The following TRMT44 variants were observed in gnomAD, a reference collection of about 807,000 sequenced individuals.
The protein encoded by TRMT44 is tRNA methyltransferase 44 homolog, also known as probable tRNA (uracil-O(2)-)-methyltransferase.
Under a neutral mutation model 77.3 loss-of-function variants are expected in TRMT44, and 78 were observed. That is an observed-to-expected ratio of 1.01 (90% confidence interval 0.84 to 1.22). The LOEUF (loss-of-function observed/expected upper bound fraction) is 1.22. Ranked by LOEUF, TRMT44 falls within the 50% of genes most tolerant of loss-of-function variation. The pLI is 0.00. For synonymous variants in TRMT44, 391 were observed against 383.3 expected (o/e 1.02, Z -0.23); for missense variants, 1,090 against 964.4 (o/e 1.13, Z -1.73).
In TRMT44 at chr4:8,452,166, G is replaced by C. The variant is rs1390734900; in HGVS notation, c.1023+138G>C. The C allele has an allele frequency of 2.6e-6, 2 of 755,964 alleles. No homozygotes were observed. The highest frequency in any genetic ancestry group is 4.4e-6 in the Non-Finnish European group (2 of 454,942). The allele number at this position is 755,964 out of a possible 1,614,324, so 46.8% of individuals were successfully genotyped here. A position where few individuals can be genotyped will look rare whatever the true frequency, so the allele number is the denominator to read the frequency against. ...CTGCTGGCCAAGGTTGGTTTCTCGTGTAATGGTTTGACTTCATGTGGTCCT... is the reference window on the plus strand; with the variant it reads ...CTGCTGGCCAAGGTTGGTTTCTCGTCTAATGGTTTGACTTCATGTGGTCCT... On this transcript the variant is annotated intron_variant, in intron 4 of 10. Transcript: ENST00000389737. The surrounding 1 kb of genome is among the most constrained non-coding windows in gnomAD (Gnocchi z 5.7).
At chr4:8,467,360 T>A (rs1319263489) in intron 8 of TRMT44, among the ~76,000 whole-genome samples, 1 of 152,138 alleles carries the variant, frequency 6.6e-6, no homozygotes, top group African/African-American at 2.4e-5. Flanking sequence ...TTTAGGCGCC[T>A]TTGTTAGATC....
At chr4:8,450,999 C>T (rs756958839) in intron 3 of TRMT44, among the ~76,000 whole-genome samples, 1 of 149,110 alleles carries the variant, frequency 6.7e-6, no homozygotes, top group Non-Finnish European at 1.5e-5. Context: ...TTTCCCAGGG[C>T]TCAAGTGTTC....
At chr4:8,483,675 G>A (rs1201868356) in intron 2 of TRMT44, among the ~76,000 whole-genome samples, 2 of 152,130 alleles carry the variant, frequency 1.3e-5, no homozygotes, top group Non-Finnish European at 2.9e-5. Context: ...GGGATATAAA[G>A]GTTTCACTGA....
At position 8,440,808 on chromosome 4, in the gene TRMT44, C is replaced by T; in HGVS notation, c.-15C>T. On this transcript the variant is annotated 5_prime_UTR_variant, in exon 1 of 11. Transcript: ENST00000389737. ...TCGGCGCGCCGCTGCCAGGGCTGTACACCTGCTGGCTGCCATGGCTGAGGT... is the reference window on the plus strand; with the variant it reads ...TCGGCGCGCCGCTGCCAGGGCTGTATACCTGCTGGCTGCCATGGCTGAGGT... The T allele has an allele frequency of 2.1e-6, 3 of 1,440,706 alleles. No individual in the cohort carries two copies. Among genetic ancestry groups the T allele is most frequent in the Non-Finnish European group, 1.8e-6 (2 of 1,100,296 alleles). The allele number at this position is 1,440,706 out of a possible 1,614,324, so 89.2% of individuals were successfully genotyped here.
At chr4:8,476,643 GTA>G, downstream of TRMT44, 1 of 152,142 alleles carries the variant, frequency 6.6e-6, no homozygotes, top group Non-Finnish European at 1.5e-5. Context: ...GATGACAAAG[GTA>G]AGACCTACAC....
At chr4:8,516,008 G>A in the TRMT44 span, among the ~76,000 whole-genome samples, 9 of 152,274 alleles carry the variant, frequency 5.9e-5, no homozygotes, top group South Asian at 1.2e-3. Context: ...ATGGTTGTCC[G>A]TGGTCTCTCC....
chr4:8,442,899 C>T (rs999139872), intron 1 of TRMT44, among the ~76,000 whole-genome samples: 1 of 152,178 alleles, frequency 6.6e-6, no homozygotes, highest in African/African-American at 2.4e-5. Context: ...GGAGTTAGGC[C>T]GGGCTCACCT....
At chr4:8,442,633 T>A (rs551378239) in intron 1 of TRMT44, among the ~76,000 whole-genome samples, 2 of 152,252 alleles carry the variant, frequency 1.3e-5, no homozygotes, top group Non-Finnish European at 2.9e-5. Flanking sequence ...TTGGAGGTTC[T>A]GGGAAGGAAT....
At chr4:8,441,573 T>G in intron 1 of TRMT44, 132 bp downstream of exon 1, 1 of 1,086,112 alleles carries the variant, frequency 9.2e-7, no homozygotes, top group African/African-American at 1.6e-5. Flanking sequence ...TGTTTCATAG[T>G]TTTTTGAGTG....
Position 8,475,041 on chromosome 4 carries a change from C to T in TRMT44, c.2045-731C>T, listed in dbSNP as rs376424595. 1.6e-4 allele frequency among the ~76,000 whole-genome samples: 24 copies of T among 152,352 alleles called. No individual in the cohort carries two copies. In the East Asian group the frequency reaches 2.9e-3, roughly 18 times the overall value. ...TACTGCACATAGGCAGGTCCCCCTTCGTGTTCCTGTTCCAGAGCTCATTGG... is the reference window on the plus strand; with the variant it reads ...TACTGCACATAGGCAGGTCCCCCTTTGTGTTCCTGTTCCAGAGCTCATTGG... On this transcript the variant is annotated intron_variant, in intron 10 of 10. Coordinates refer to ENST00000389737, the MANE Select transcript of TRMT44 (RefSeq NM_152544.3).
At chr4:8,470,768 A>G (rs1053334381) in intron 9 of TRMT44, among the ~76,000 whole-genome samples, 1 of 152,204 alleles carries the variant, frequency 6.6e-6, no homozygotes, top group East Asian at 1.9e-4. Context: ...ACCCCCCTTC[A>G]TGGGTCACCA....
At chr4:8,484,027 A>G (rs1303148155) in intron 2 of TRMT44, among the ~76,000 whole-genome samples, 6 of 152,168 alleles carry the variant, frequency 3.9e-5, no homozygotes. Flanking sequence ...GAACACTGAG[A>G]AGTTATTTCC....
intron 6 of TRMT44, among the ~76,000 whole-genome samples, chr4:8,456,897 A>G (rs190111420): frequency 5.1e-4 from 78 of 152,158 alleles, no homozygotes; most frequent in Admixed American, 4.4e-3. Flanking sequence ...TAAGAAAATC[A>G]CCAGAGAGGC....
intron 6 of TRMT44, among the ~76,000 whole-genome samples, chr4:8,458,459 CTTTTCT>C (rs1370131979): frequency 3.4e-4 from 48 of 142,750 alleles, no homozygotes; most frequent in African/African-American, 1.1e-3. Context: ...ATTTTCTTTT[CTTTTCT>C]TTTTTTTTTT....
At chr4:8,466,323 G>A (rs1355015247) in intron 8 of TRMT44, among the ~76,000 whole-genome samples, 2 of 150,686 alleles carry the variant, frequency 1.3e-5, no homozygotes, top group African/African-American at 5.0e-5. Flanking sequence ...GTGCACTCGG[G>A]CTGATCGCGG....
At chr4:8,463,906 C>A in intron 6 of TRMT44, 79 bp from the exon 7 acceptor site, 1 of 1,200,806 alleles carries the variant, frequency 8.3e-7, no homozygotes, top group Non-Finnish European at 1.2e-6. Flanking sequence ...AGAGCCTGTA[C>A]CCTCCCGCCA....
chr4:8,445,329 A>T (rs1724991569), intron 1 of TRMT44, among the ~76,000 whole-genome samples: 1 of 152,222 alleles, frequency 6.6e-6, no homozygotes, highest in Admixed American at 6.5e-5. Context: ...CATGGAAAGA[A>T]TGATGCATTG....
chr4:8,474,035 G>A (rs539815093), intron 10 of TRMT44, among the ~76,000 whole-genome samples: 3 of 152,356 alleles, frequency 2.0e-5, no homozygotes, highest in East Asian at 1.9e-4. Context: ...CTCCGGAGCC[G>A]CGTGGGAGGG....
chr4:8,508,965 G>C, the TRMT44 span: 3 of 152,334 alleles, frequency 2.0e-5, no homozygotes, highest in Non-Finnish European at 4.4e-5. Flanking sequence ...CGTTGCCCTG[G>C]AGGGCTGGCA....
Sources: allele counts gnomAD v4.1 joint callset (sites outside exome capture counted in the v4.1 genomes callset), GRCh38; gene constraint gnomAD v4.1.1; non-coding constraint Gnocchi (gnomAD v3.1); transcripts MANE v1.5; gene names NCBI Gene and HGNC (gene_info 2026-07-23, HGNC 2026-07-21).